The following APPBP2 variants were observed in gnomAD, a reference collection of about 807,000 sequenced individuals.
The protein encoded by APPBP2 is amyloid beta precursor protein binding protein 2, also known as amyloid protein-binding protein 2.
In APPBP2, 15 loss-of-function variants were observed where a neutral mutation model predicts 76.0. The observed-to-expected ratio is 0.20, with a 90% confidence interval of 0.13 to 0.30. The LOEUF (loss-of-function observed/expected upper bound fraction) is 0.30, where lower values mean the gene tolerates loss of function less well. APPBP2 is among the 10% of genes least tolerant of loss of function. The pLI, the probability that APPBP2 is intolerant of heterozygous loss-of-function variation, is 1.00. For synonymous variants in APPBP2, 222 were observed against 242.2 expected (o/e 0.92, Z 0.77); for missense variants, 401 against 687.2 (o/e 0.58, Z 4.66).
At chr17:60,499,992 G>A (rs1462472613) in intron 2 of APPBP2, among the ~76,000 whole-genome samples, 1 of 151,660 alleles carries the variant, frequency 6.6e-6, no homozygotes, top group East Asian at 1.9e-4. Context: ...TGGTGTTGAT[G>A]GTTGCACAAT....
chr17:60,459,489 C>CA (rs1555631158), intron 9 of APPBP2: 6 of 116,134 alleles, frequency 5.2e-5, no homozygotes, highest in Non-Finnish European at 8.5e-5. Context: ...GTTGTAGTCC[C>CA]TTTTTTTTTT....
intron 12 of APPBP2, among the ~76,000 whole-genome samples, chr17:60,450,614 A>T (rs2090387381): frequency 7.0e-6 from 1 of 143,764 alleles, no homozygotes; most frequent in Admixed American, 6.7e-5. Flanking sequence ...TATTGAAACA[A>T]TAAAAAAAAA....
At chr17:60,480,743 A>C (rs1433831449) in intron 3 of APPBP2, among the ~76,000 whole-genome samples, 3 of 152,118 alleles carry the variant, frequency 2.0e-5, no homozygotes, top group Admixed American at 1.3e-4. Context: ...ATACTACTAG[A>C]GTCTGTTTGA....
At position 60,444,361 on chromosome 17, in the gene APPBP2, T is replaced by A. The variant is rs945173281; in HGVS notation, c.*3220A>T. 1 of 152,326 alleles carries A rather than the reference T, an allele frequency of 6.6e-6. No individual in the cohort carries two copies. The highest frequency in any genetic ancestry group is 6.6e-5 in the Admixed American group (1 of 15,258). 9.4% of individuals were successfully genotyped at this position (152,326 alleles called of 1,614,324 possible). A position where few individuals can be genotyped will look rare whatever the true frequency, so the allele number is the denominator to read the frequency against. On this transcript the variant is annotated 3_prime_UTR_variant, in exon 13 of 13. Coordinates refer to ENST00000083182, the MANE Select transcript of APPBP2 (RefSeq NM_006380.5). Reference sequence around the variant, plus strand: ...TTATGAGCAAATCATTATTTCTATGTATAAAGTTTCAGCCAAAGGCTTCAA... The same window carrying A: ...TTATGAGCAAATCATTATTTCTATGAATAAAGTTTCAGCCAAAGGCTTCAA...
At chr17:60,504,315 TAC>T (rs1283972807) in intron 1 of APPBP2, among the ~76,000 whole-genome samples, 1 of 152,100 alleles carries the variant, frequency 6.6e-6, no homozygotes, top group Non-Finnish European at 1.5e-5. Context: ...AACAGTATTA[TAC>T]AGTTATGAAG....
intron 6 of APPBP2, among the ~76,000 whole-genome samples, chr17:60,463,506 T>G (rs2090490409): frequency 6.6e-6 from 1 of 152,118 alleles, no homozygotes; most frequent in African/African-American, 2.4e-5. Context: ...GTAAAAGATT[T>G]AATGCATTTA....
intron 8 of APPBP2, chr17:60,461,580 CAT>C: frequency 2.5e-6 from 1 of 392,708 alleles, no homozygotes; most frequent in Non-Finnish European, 4.5e-6. Context: ...ACTACTCCCA[CAT>C]ATGAGCTCAC....
chr17:60,525,419 ATGCTGACAC>A (rs1318252075), intron 1 of APPBP2, among the ~76,000 whole-genome samples: 3 of 152,196 alleles, frequency 2.0e-5, no homozygotes, highest in South Asian at 2.1e-4. Flanking sequence ...AGTCCAGCTG[ATGCTGACAC>A]TTAATTGGAA....
chr17:60,525,761 G>A (rs1243111383), intron 1 of APPBP2, 33 bp downstream of exon 1: 8 of 1,612,964 alleles, frequency 5.0e-6, no homozygotes, highest in Non-Finnish European at 6.8e-6. Context: ...GGGGTTGCTG[G>A]AGGAGAGCAG....
At chr17:60,472,738 T>C (rs112563104) in intron 4 of APPBP2, among the ~76,000 whole-genome samples, 355 of 152,286 alleles carry the variant, frequency 2.3e-3, no homozygotes, top group African/African-American at 8.3e-3. Flanking sequence ...ATTGAAAGAA[T>C]CTAGTTCCTT....
At chr17:60,503,530 C>T (rs995079741) in intron 1 of APPBP2, among the ~76,000 whole-genome samples, 10 of 145,188 alleles carry the variant, frequency 6.9e-5, no homozygotes, top group Non-Finnish European at 1.0e-4. Context: ...GGATTACAGG[C>T]GCCCGCCACC....
chr17:60,507,958 GTTTCT>G (rs1404770140), intron 1 of APPBP2, among the ~76,000 whole-genome samples: 2 of 150,292 alleles, frequency 1.3e-5, no homozygotes, highest in African/African-American at 4.9e-5. Flanking sequence ...CAGCCAAGTT[GTTTCT>G]TTTTTTTCCT....
rs922495521 is a variant in APPBP2 at position 60,523,333 on chromosome 17, T to TA, written c.138+2460dup. 3.2e-3 allele frequency among the ~76,000 whole-genome samples: 464 copies of TA among 144,542 alleles called. 5 individuals are homozygous for TA. The highest frequency in any genetic ancestry group is 6.6e-3 in the African/African-American group (263 of 39,592). 94.8% of individuals were successfully genotyped at this position (144,542 alleles called of 152,430 possible). A position where few individuals can be genotyped will look rare whatever the true frequency, so the allele number is the denominator to read the frequency against. ...TCAAGACCTCATCTATACTAAAAATTAAAAAAAAAAAAATTAGCTAGGCAT... is the reference window on the plus strand; with the variant it reads ...TCAAGACCTCATCTATACTAAAAATTAAAAAAAAAAAAAATTAGCTAGGCAT... On this transcript the variant is annotated intron_variant, in intron 1 of 12. Coordinates refer to ENST00000083182, the MANE Select transcript of APPBP2 (RefSeq NM_006380.5).
intron 3 of APPBP2, among the ~76,000 whole-genome samples, chr17:60,483,763 G>A (rs1041667540): frequency 1.3e-5 from 2 of 152,164 alleles, no homozygotes; most frequent in Non-Finnish European, 2.9e-5. Context: ...TTTGGCTTTT[G>A]TTGCCATTGC....
At chr17:60,524,258 T>C (rs2091032406) in intron 1 of APPBP2, among the ~76,000 whole-genome samples, 1 of 152,204 alleles carries the variant, frequency 6.6e-6, no homozygotes, top group Non-Finnish European at 1.5e-5. Flanking sequence ...TTCCCAATGA[T>C]TTCCTCTGAG....
rs146968316 is a variant in APPBP2 at position 60,518,503 on chromosome 17, C to CGTGTGTGTGTGTGTGTGTGTGTGTGT, written c.138+7290_138+7291insACACACACACACACACACACACACAC. Among the ~76,000 whole-genome samples, 81 of 134,172 alleles carry CGTGTGTGTGTGTGTGTGTGTGTGTGT rather than the reference C, an allele frequency of 6.0e-4. 1 individual carries two copies. Among genetic ancestry groups the CGTGTGTGTGTGTGTGTGTGTGTGTGT allele is most frequent in the African/African-American group, 2.3e-3 (73 of 31,504 alleles). The allele number at this position is 134,172 out of a possible 152,430, so 88.0% of individuals were successfully genotyped here. ...ACAGGCATGAGCTACCATGCCCAGC[C>CGTGTGTGTGTGTGTGTGTGTGTGTGT]GTGTGTGTGTGTGTGTGTGTGTGTG... On this transcript the variant is annotated intron_variant, in intron 1 of 12. Transcript: ENST00000083182.
rs1052431342 is a variant in APPBP2, at chr17:60,512,786, G to T, written c.139-12299C>A. 3.6e-3 allele frequency among the ~76,000 whole-genome samples: 24 copies of T among 6,660 alleles called. No individual in the cohort carries two copies. In the African/African-American group the frequency reaches 0.047, roughly 13 times the overall value. 4.4% of individuals were successfully genotyped at this position (6,660 alleles called of 152,430 possible). On this transcript the variant is annotated intron_variant, in intron 1 of 12. Coordinates refer to ENST00000083182, the MANE Select transcript of APPBP2 (RefSeq NM_006380.5). Reference sequence around the variant, plus strand: ...GGAGGCGGAGGTTGCAGTGAGCCGAGACTGCCCATTACACTCCAGCCTAGG... The same window carrying T: ...GGAGGCGGAGGTTGCAGTGAGCCGATACTGCCCATTACACTCCAGCCTAGG...
intron 3 of APPBP2, among the ~76,000 whole-genome samples, chr17:60,480,251 T>C (rs1390677307): frequency 6.6e-6 from 1 of 152,098 alleles, no homozygotes; most frequent in Non-Finnish European, 1.5e-5. Flanking sequence ...CGAGTGCCTG[T>C]AGTCCCAGCT....
At chr17:60,510,060 T>A (rs1328554867) in intron 1 of APPBP2, among the ~76,000 whole-genome samples, 1 of 150,644 alleles carries the variant, frequency 6.6e-6, no homozygotes, top group Non-Finnish European at 1.5e-5. Context: ...TTAACAAACA[T>A]GAGTTATCGT....
Sources: gnomAD v4.1 joint callset for allele counts (sites outside exome capture counted in the v4.1 genomes callset) on GRCh38, gnomAD v4.1.1 for gene constraint, MANE v1.5 for transcripts, NCBI Gene and HGNC (gene_info 2026-07-23, HGNC 2026-07-21) for gene names.